ROBO1: variants seen among roughly 807,000 people sequenced by gnomAD.
The protein encoded by ROBO1 is roundabout homolog 1.
A neutral mutation model predicts 195.9 loss-of-function variants in ROBO1; 149 were observed. The observed-to-expected ratio is 0.76, with a 90% CI of 0.67 to 0.87. ROBO1 has a LOEUF of 0.87. ROBO1 is among the 40% of genes least tolerant of loss of function. The pLI, the probability that ROBO1 is intolerant of heterozygous loss-of-function variation, is 0.00. For missense variants in ROBO1, 1,933 were observed against 2,068.3 expected, an observed-to-expected ratio of 0.93 and a Z score of 1.27; for synonymous variants, 816 against 733.2, an observed-to-expected ratio of 1.11 and a Z score of -1.82.
At position 78,627,466 on chromosome 3, in the gene ROBO1, G is replaced by T. The variant is rs372853961; in HGVS notation, c.3730C>A (p.Arg1244=). Residue 1244 remains arginine (R), a synonymous_variant, in exon 26 of 31, where the codon CGG becomes AGG. Coordinates refer to ENST00000464233, the MANE Select transcript of ROBO1 (RefSeq NM_002941.4). ...EDERGPTPPV[R]GAASSPAAVS... ...GCAGCTGGAGAAGAAGCTGCTCCCC[G>T]AACAGGGGGAGTGGGGCCTCGTTCA... The T allele has an allele frequency of 6.2e-6, 10 of 1,612,888 alleles. No individual in the cohort carries two copies. Among genetic ancestry groups the T allele is most frequent in the Admixed American group, 1.7e-5 (1 of 59,902 alleles).
At chr3:79,640,429 C>T (rs1945624692) in intron 1 of ROBO1, among the ~76,000 whole-genome samples, 1 of 151,928 alleles carries the variant, frequency 6.6e-6, no homozygotes, top group Non-Finnish European at 1.5e-5. Context: ...ACCTCTTTTT[C>T]TTTGTAAATT....
At chr3:79,186,399 TACAA>T (rs921077146) in intron 2 of ROBO1, among the ~76,000 whole-genome samples, 16 of 152,058 alleles carry the variant, frequency 1.1e-4, no homozygotes, top group African/African-American at 3.6e-4. Flanking sequence ...TATACATGTC[TACAA>T]ACACACACAT....
chr3:79,228,834 A>G (rs1401803895), intron 2 of ROBO1, among the ~76,000 whole-genome samples: 1 of 152,158 alleles, frequency 6.6e-6, no homozygotes, highest in Non-Finnish European at 1.5e-5. Flanking sequence ...CATCTGTAGC[A>G]TATATTAGAC....
At chr3:79,237,810 G>T (rs374231628) in intron 2 of ROBO1, among the ~76,000 whole-genome samples, 1 of 152,070 alleles carries the variant, frequency 6.6e-6, no homozygotes, top group Non-Finnish European at 1.5e-5. Context: ...ATCAGCCAAA[G>T]CTCTTGGATC....
intron 1 of ROBO1, among the ~76,000 whole-genome samples, chr3:79,637,617 A>G (rs999113309): frequency 1.3e-5 from 2 of 152,146 alleles, no homozygotes; most frequent in African/African-American, 4.8e-5. Flanking sequence ...GAGTTACTCT[A>G]TCTTATCTTC....
intron 2 of ROBO1, among the ~76,000 whole-genome samples, chr3:79,473,941 G>C (rs574706494): frequency 6.6e-6 from 1 of 152,088 alleles, no homozygotes; most frequent in Admixed American, 6.6e-5. Flanking sequence ...TAAGAAATAT[G>C]TGAGTTCTGA....
chr3:78,697,207 AATAAG>A (rs2081319731), intron 8 of ROBO1, among the ~76,000 whole-genome samples: 1 of 152,010 alleles, frequency 6.6e-6, no homozygotes, highest in East Asian at 1.9e-4. Flanking sequence ...TTCAGGTATA[AATAAG>A]ATAAGAAGAG....
intron 1 of ROBO1, among the ~76,000 whole-genome samples, chr3:79,667,795 T>C (rs1287055726): frequency 6.6e-6 from 1 of 151,758 alleles, no homozygotes; most frequent in Non-Finnish European, 1.5e-5. Context: ...GTTCCTTATA[T>C]TAAAATAAAT....
chr3:79,763,430 G>T (rs1704819391), intron 1 of ROBO1, among the ~76,000 whole-genome samples: 1 of 152,112 alleles, frequency 6.6e-6, no homozygotes, highest in African/African-American at 2.4e-5. Context: ...AATTTCAGAG[G>T]TAAGGAACAG....
At chr3:79,288,803 A>T (rs770571115) in intron 2 of ROBO1, among the ~76,000 whole-genome samples, 1 of 151,844 alleles carries the variant, frequency 6.6e-6, no homozygotes, top group Non-Finnish European at 1.5e-5. Context: ...TTTTTTTTCC[A>T]ATTTCTACTC....
At chr3:78,956,939 C>A (rs982394762) in intron 3 of ROBO1, among the ~76,000 whole-genome samples, 1 of 151,980 alleles carries the variant, frequency 6.6e-6, no homozygotes, top group Non-Finnish European at 1.5e-5. Context: ...GAAAGTTGTA[C>A]AATTCTAGCT....
At chr3:78,880,536 G>T (rs562326336) in intron 4 of ROBO1, among the ~76,000 whole-genome samples, 1 of 152,064 alleles carries the variant, frequency 6.6e-6, no homozygotes, top group East Asian at 1.9e-4. Context: ...TGAAAGAAAG[G>T]AGTAAATCAG....
chr3:79,708,406 C>T lies in ROBO1; in HGVS notation c.-51+59346G>A, dbSNP rs542181530. Among the ~76,000 whole-genome samples the T allele has an allele frequency of 8.5e-5, 13 of 152,262 alleles. No individual in the cohort carries two copies. In the South Asian group the frequency reaches 1.7e-3, roughly 19 times the overall value. On this transcript the variant is annotated intron_variant, in intron 1 of 30. Coordinates refer to ENST00000464233, the MANE Select transcript of ROBO1 (RefSeq NM_002941.4). ...GAATCTTTATTTTCTTATGAAGGTG[C>T]CTCTGCCACATAAAACACGAATTAT...
intron 1 of ROBO1, among the ~76,000 whole-genome samples, chr3:79,703,731 C>T (rs1319115836): frequency 6.6e-6 from 1 of 151,840 alleles, no homozygotes; most frequent in Non-Finnish European, 1.5e-5. Context: ...CTTAGAGAAA[C>T]AAAACAGTAT....
At chr3:78,649,472 T>A (rs764419043) in intron 19 of ROBO1, among the ~76,000 whole-genome samples, 1 of 152,162 alleles carries the variant, frequency 6.6e-6, no homozygotes, top group Non-Finnish European at 1.5e-5. Flanking sequence ...CACCGATAGC[T>A]AAATGTAAGG....
intron 1 of ROBO1, among the ~76,000 whole-genome samples, chr3:79,729,481 T>G (rs1231522436): frequency 6.6e-6 from 1 of 152,130 alleles, no homozygotes; most frequent in Non-Finnish European, 1.5e-5. Context: ...ACAATCTCAC[T>G]TAGAAAAAAA....
Position 79,396,604 on chromosome 3 carries a change from C to T in ROBO1, c.88+193220G>A, listed in dbSNP as rs535560013. 3.4e-4 allele frequency among the ~76,000 whole-genome samples: 52 copies of T among 152,000 alleles called. 2 individuals carry two copies. The South Asian group carries it at 3.7e-3, about 11-fold the overall frequency. ...AAGAAGTCATAATTACATTATGTAA[C>T]GACAGTTATCTTGTTTTATATTTTA... On this transcript the variant is annotated intron_variant, in intron 2 of 30. Coordinates refer to ENST00000464233, the MANE Select transcript of ROBO1 (RefSeq NM_002941.4).
chr3:79,379,205 G>C (rs190173463), intron 2 of ROBO1, among the ~76,000 whole-genome samples: 11 of 152,242 alleles, frequency 7.2e-5, no homozygotes, highest in Middle Eastern at 3.4e-3. Context: ...AGATACTAAG[G>C]CTTGACTGTG....
chr3:79,556,608 C>A (rs913328673), intron 2 of ROBO1, among the ~76,000 whole-genome samples: 1 of 151,932 alleles, frequency 6.6e-6, no homozygotes, highest in Admixed American at 6.6e-5. Flanking sequence ...TAGACATTGA[C>A]AAATTATTTT....
Sources: allele counts gnomAD v4.1 joint callset (sites outside exome capture counted in the v4.1 genomes callset), GRCh38; gene constraint gnomAD v4.1.1; transcripts MANE v1.5; gene names NCBI Gene and HGNC (gene_info 2026-07-23, HGNC 2026-07-21).